The following N4BP2L2 variants were observed in gnomAD, a reference collection of about 807,000 sequenced individuals.
N4BP2L2 encodes the protein NEDD4-binding protein 2-like 2.
N4BP2L2 carries 50 observed loss-of-function variants against 56.2 expected under a neutral mutation model. The observed-to-expected ratio is 0.89, with a 90% confidence interval of 0.71 to 1.13. N4BP2L2 has a LOEUF of 1.13. Ranked by LOEUF, N4BP2L2 falls within the 50% of genes most tolerant of loss-of-function variation. The probability of loss-of-function intolerance (pLI) is 0.00; values close to 1 mark genes in which losing one functional copy is unlikely to be tolerated. For synonymous variants in N4BP2L2, 203 were observed against 223.6 expected (o/e 0.91, Z 0.82); for missense variants, 689 against 693.8 (o/e 0.99, Z 0.08).
At chr13:32,437,184 C>CA (rs1566006913) in intron 8 of N4BP2L2, among the ~76,000 whole-genome samples, 1 of 152,088 alleles carries the variant, frequency 6.6e-6, no homozygotes, top group African/African-American at 2.4e-5. Flanking sequence ...CGCCTGGCCA[C>CA]AAATGTCAAT....
chr13:32,537,027 T>C, exon 2 of N4BP2L2: 1 of 1,515,072 alleles, frequency 6.6e-7, no homozygotes, highest in East Asian at 2.3e-5. Context: ...CCATAAGACA[T>C]CTGAGAAATA....
At chr13:32,501,966 T>C (rs117434424) in intron 6 of N4BP2L2, among the ~76,000 whole-genome samples, 474 of 152,248 alleles carry the variant, frequency 3.1e-3, no homozygotes, top group Non-Finnish European at 4.9e-3. Flanking sequence ...TTTTGAGCAA[T>C]TCCAGACTAA....
intron 8 of N4BP2L2, chr13:32,436,463 G>A: frequency 1.2e-6 from 1 of 802,646 alleles, no homozygotes; most frequent in East Asian, 3.1e-5. Context: ...AGTTAAGTTT[G>A]CACTGTCATT....
At chr13:32,483,354 C>T (rs1362118014) in intron 6 of N4BP2L2, among the ~76,000 whole-genome samples, 3 of 152,182 alleles carry the variant, frequency 2.0e-5, no homozygotes, top group African/African-American at 7.2e-5. Flanking sequence ...ACGCAGGTGG[C>T]CTTTGATGAA....
chr13:32,442,016 C>T (rs989060275), intron 7 of N4BP2L2, among the ~76,000 whole-genome samples: 3 of 152,182 alleles, frequency 2.0e-5, no homozygotes, highest in Non-Finnish European at 4.4e-5. Flanking sequence ...GCGGAGCTTG[C>T]AGTGAGCCGA....
At chr13:32,441,770 G>A (rs1044491244) in intron 7 of N4BP2L2, among the ~76,000 whole-genome samples, 6 of 149,282 alleles carry the variant, frequency 4.0e-5, no homozygotes, top group Admixed American at 1.3e-4. Flanking sequence ...TTGGCCGGGC[G>A]CGGTGGCTCA....
intron 6 of N4BP2L2, among the ~76,000 whole-genome samples, chr13:32,460,263 T>C (rs2079796068): frequency 6.6e-6 from 1 of 152,178 alleles, no homozygotes; most frequent in Non-Finnish European, 1.5e-5. Context: ...GATGCTCACC[T>C]TCATCACTCC....
exon 6 of N4BP2L2, chr13:32,513,577 T>G (rs1313003702): frequency 6.6e-6 from 1 of 152,194 alleles, no homozygotes; most frequent in East Asian, 1.9e-4. Context: ...CTGGTAACTT[T>G]AATAGGAAAA....
intron 3 of N4BP2L2, chr13:32,527,154 C>A: frequency 3.4e-6 from 1 of 294,082 alleles, no homozygotes; most frequent in Non-Finnish European, 6.2e-6. Flanking sequence ...ATTATTTTAC[C>A]AGCTTATACT....
chr13:32,471,826 TC>T (rs1367022137), intron 6 of N4BP2L2, among the ~76,000 whole-genome samples: 3 of 152,260 alleles, frequency 2.0e-5, no homozygotes, highest in Non-Finnish European at 4.4e-5. Context: ...CCTTGAGTGT[TC>T]TTTCAGCTAT....
At position 32,467,403 on chromosome 13, in the gene N4BP2L2, G is replaced by A. The variant is rs1231839323; in HGVS notation, c.366-23277C>T. On this transcript the variant is annotated intron_variant, in intron 6 of 9. Coordinates refer to the N4BP2L2 transcript ENST00000357505. ...TTCCTGAATAAGTGGGACTACAGGCGAGCACCACCATGCCCAGCTAATTTT... is the reference window on the plus strand; with the variant it reads ...TTCCTGAATAAGTGGGACTACAGGCAAGCACCACCATGCCCAGCTAATTTT... 2.6e-5 allele frequency among the ~76,000 whole-genome samples: 4 copies of A among 151,830 alleles called. No individual in the cohort carries two copies. In the East Asian group the frequency reaches 5.9e-4, roughly 22 times the overall value.
chr13:32,494,499 C>T (rs759501257), intron 6 of N4BP2L2, among the ~76,000 whole-genome samples: 6 of 152,066 alleles, frequency 3.9e-5, no homozygotes, highest in South Asian at 2.1e-4. Context: ...CGCGGTGGCT[C>T]AAGCCTGTAA....
At chr13:32,437,961 G>C (rs2075715483) in intron 8 of N4BP2L2, among the ~76,000 whole-genome samples, 2 of 152,064 alleles carry the variant, frequency 1.3e-5, no homozygotes. Context: ...TCTCAAGTTT[G>C]ATAAATTTTA....
At chr13:32,523,556 G>A (rs2051658193) in intron 3 of N4BP2L2, 1 of 138,214 alleles carries the variant, frequency 7.2e-6, no homozygotes, top group African/African-American at 3.5e-5. Context: ...ATGGTGGCAG[G>A]CGCCTGTAAT....
At chr13:32,484,667 T>G (rs2085485811) in intron 6 of N4BP2L2, among the ~76,000 whole-genome samples, 2 of 152,090 alleles carry the variant, frequency 1.3e-5, no homozygotes, top group African/African-American at 4.8e-5. Flanking sequence ...GTATTTTTGG[T>G]AGAGATGGGG....
At chr13:32,500,391 A>G (rs2058692523) in intron 6 of N4BP2L2, among the ~76,000 whole-genome samples, 2 of 152,064 alleles carry the variant, frequency 1.3e-5, no homozygotes, top group South Asian at 2.1e-4. Context: ...CTTCAGTTTA[A>G]AAGTAGAAAA....
intron 6 of N4BP2L2, among the ~76,000 whole-genome samples, chr13:32,487,570 G>A (rs908303703): frequency 6.6e-6 from 1 of 151,696 alleles, no homozygotes; most frequent in African/African-American, 2.4e-5. Context: ...TACTCGGGAG[G>A]CTGAGGCAGG....
downstream of N4BP2L2, chr13:32,508,662 T>C (rs1363811985): frequency 6.6e-6 from 1 of 152,168 alleles, no homozygotes; most frequent in Non-Finnish European, 1.5e-5. Context: ...CCAATATATA[T>C]TATTTTCAGA....
At chr13:32,480,448 G>A (rs2084389711) in intron 6 of N4BP2L2, 2 of 320,526 alleles carry the variant, frequency 6.2e-6, no homozygotes, top group South Asian at 5.4e-5. Flanking sequence ...ATTTTAGTGA[G>A]AACTCAAGCA....
Sources: gnomAD v4.1 joint callset for allele counts (sites outside exome capture counted in the v4.1 genomes callset) on GRCh38, gnomAD v4.1.1 for gene constraint, MANE v1.5 for transcripts, NCBI Gene and HGNC (gene_info 2026-07-23, HGNC 2026-07-21) for gene names.